LINGO2: variants seen among roughly 807,000 people sequenced by gnomAD.
LINGO2 encodes leucine rich repeat and Ig domain containing 2, also known as leucine-rich repeat and immunoglobulin-like domain-containing nogo receptor-interacting protein 2.
A neutral mutation model predicts 30.6 loss-of-function variants in LINGO2; 14 were observed. The ratio of observed to expected loss-of-function variants is 0.46; its 90% CI spans 0.30 to 0.72. The LOEUF (loss-of-function observed/expected upper bound fraction) is 0.72, where lower values mean the gene tolerates loss of function less well. Ranked by LOEUF, LINGO2 falls within the 30% of genes least tolerant of loss-of-function variation. The pLI, the probability that LINGO2 is intolerant of heterozygous loss-of-function variation, is 0.07. For missense variants in LINGO2, 729 were observed against 751.7 expected (o/e 0.97, Z 0.35); for synonymous variants, 317 against 288.5 (o/e 1.10, Z -1.00).
intron 2 of LINGO2, among the ~76,000 whole-genome samples, chr9:28,410,593 T>G (rs747362034): frequency 6.6e-6 from 1 of 152,134 alleles, no homozygotes; most frequent in Non-Finnish European, 1.5e-5. Context: ...AGCATGAGAC[T>G]GCTGCTTCGT....
intron 4 of LINGO2, among the ~76,000 whole-genome samples, chr9:28,087,198 C>A (rs912116034): frequency 3.3e-5 from 5 of 152,048 alleles, no homozygotes; most frequent in Non-Finnish European, 2.9e-5. Flanking sequence ...ATATGATACT[C>A]CAGCAGAGAT....
At chr9:28,096,309 T>C (rs892203160) in intron 4 of LINGO2, among the ~76,000 whole-genome samples, 3 of 152,244 alleles carry the variant, frequency 2.0e-5, no homozygotes, top group African/African-American at 7.2e-5. Context: ...CTATCATTAA[T>C]AATGCATTAG....
the LINGO2 span, among the ~76,000 whole-genome samples, chr9:29,029,042 T>C: frequency 6.6e-6 from 1 of 152,142 alleles, no homozygotes; most frequent in African/African-American, 2.4e-5. Flanking sequence ...GTTAATTTCA[T>C]GGCTAACTGG....
intron 3 of LINGO2, among the ~76,000 whole-genome samples, chr9:28,356,416 A>C (rs1386552857): frequency 6.6e-6 from 1 of 152,134 alleles, no homozygotes; most frequent in Non-Finnish European, 1.5e-5. Context: ...TCTTTCTGGC[A>C]GCTACAGAAA....
chr9:27,991,710 C>G (rs945910721), intron 5 of LINGO2, among the ~76,000 whole-genome samples: 2 of 152,056 alleles, frequency 1.3e-5, no homozygotes, highest in African/African-American at 4.8e-5. Context: ...CTAGCTGTTT[C>G]TCCCATCTCA....
At chr9:29,092,424 C>A in the LINGO2 span, among the ~76,000 whole-genome samples, 1 of 151,872 alleles carries the variant, frequency 6.6e-6, no homozygotes, top group Non-Finnish European at 1.5e-5. Context: ...AGACATAAAC[C>A]AATTATTGGC....
intron 4 of LINGO2, among the ~76,000 whole-genome samples, chr9:28,093,991 T>G (rs1390688417): frequency 6.6e-6 from 1 of 152,068 alleles, no homozygotes; most frequent in Non-Finnish European, 1.5e-5. Flanking sequence ...CTCCAATACA[T>G]CTTGGATCTG....
chr9:28,254,669 GA>G (rs574820979), intron 4 of LINGO2, among the ~76,000 whole-genome samples: 1,924 of 151,172 alleles, frequency 0.013, 21 homozygotes, highest in Middle Eastern at 0.027. Flanking sequence ...TCCTTTTACT[GA>G]AAAAAAAATT....
At chr9:29,198,074 G>A in the LINGO2 span, among the ~76,000 whole-genome samples, 1 of 152,030 alleles carries the variant, frequency 6.6e-6, no homozygotes, top group Admixed American at 6.6e-5. Flanking sequence ...TGCAGTAGTA[G>A]GCAAATGTAT....
At chr9:28,963,549 C>CACACACACACACACAA in the LINGO2 span, among the ~76,000 whole-genome samples, 3 of 150,380 alleles carry the variant, frequency 2.0e-5, no homozygotes, top group Non-Finnish European at 4.4e-5. Flanking sequence ...TGAATACACA[C>CACACACACACACACAA]ACACACACAC....
chr9:28,230,796 T>C (rs2133934819), intron 4 of LINGO2, among the ~76,000 whole-genome samples: 1 of 152,060 alleles, frequency 6.6e-6, no homozygotes, highest in East Asian at 1.9e-4. Flanking sequence ...TTATCCACAG[T>C]GCTTTGTTTT....
At position 27,950,419 on chromosome 9, in the gene LINGO2, C is replaced by A; in HGVS notation, c.253G>T (p.Glu85Ter). 2 of 1,614,150 alleles carry A rather than the reference C, an allele frequency of 1.2e-6. No individual in the cohort carries two copies. The highest frequency in any genetic ancestry group is 1.7e-6 in the Non-Finnish European group (2 of 1,179,978). The change falls in exon 6 of 6, where the codon GAG becomes TAG. Residue 85 changes from glutamate to a stop codon, truncating the protein, a stop_gained. Coordinates refer to ENST00000379992, the Ensembl canonical transcript of LINGO2. LOFTEE classifies it high-confidence loss of function. ...ATGATGTTGTCACTCAAGTCTATCT[C>A]TTCCAGCAGAGGATATGATATGAAT...
the LINGO2 span, among the ~76,000 whole-genome samples, chr9:28,876,118 C>T: frequency 6.6e-6 from 1 of 152,062 alleles, no homozygotes; most frequent in African/African-American, 2.4e-5. Flanking sequence ...TAGTCAGTGG[C>T]ATTGCTACTC....
chr9:27,990,775 A>T (rs955759605), intron 5 of LINGO2, among the ~76,000 whole-genome samples: 6 of 152,062 alleles, frequency 3.9e-5, no homozygotes, highest in African/African-American at 1.4e-4. Context: ...CTGATATACT[A>T]CATCATCTCT....
chr9:28,761,018 A>T, the LINGO2 span, among the ~76,000 whole-genome samples: 2 of 151,278 alleles, frequency 1.3e-5, no homozygotes, highest in East Asian at 3.9e-4. Flanking sequence ...ATTGATGGGC[A>T]TTTGGGTTGG....
chr9:28,166,900 T>G (rs1246232460), intron 4 of LINGO2, among the ~76,000 whole-genome samples: 1 of 152,208 alleles, frequency 6.6e-6, no homozygotes, highest in Non-Finnish European at 1.5e-5. Context: ...TACTAAAGTA[T>G]GACTCTTCTG....
At chr9:28,249,957 T>C (rs1387203142) in intron 4 of LINGO2, among the ~76,000 whole-genome samples, 5 of 152,194 alleles carry the variant, frequency 3.3e-5, no homozygotes, top group Non-Finnish European at 7.4e-5. Context: ...AATATTCAGA[T>C]AGAAGGGGCA....
the LINGO2 span, among the ~76,000 whole-genome samples, chr9:28,719,494 A>C: frequency 6.6e-6 from 1 of 152,100 alleles, no homozygotes; most frequent in Admixed American, 6.6e-5. Flanking sequence ...TCTGGTGGGC[A>C]TCATCAATCC....
At chr9:29,065,383 C>A in the LINGO2 span, among the ~76,000 whole-genome samples, 4 of 152,028 alleles carry the variant, frequency 2.6e-5, no homozygotes, top group African/African-American at 9.7e-5. Context: ...AGGTTATCTT[C>A]CAGAGTTTTA....
Sources: gnomAD v4.1 joint callset for allele counts (sites outside exome capture counted in the v4.1 genomes callset) on GRCh38, gnomAD v4.1.1 for gene constraint, MANE v1.5 for transcripts, NCBI Gene and HGNC (gene_info 2026-07-23, HGNC 2026-07-21) for gene names.